Variants in PRKG1 observed in about 807,000 individuals in gnomAD.
The protein encoded by PRKG1 is protein kinase cGMP-dependent 1, also known as cGMP-dependent protein kinase 1.
In PRKG1, 35 loss-of-function variants were observed where a neutral mutation model predicts 88.1. The observed-to-expected ratio is 0.40, with a 90% CI of 0.30 to 0.53. PRKG1 has a LOEUF of 0.53. Among genes scored for constraint, PRKG1 ranks in the 20% least tolerant of loss-of-function variants. The pLI is 0.59. For synonymous variants in PRKG1, 303 were observed against 292.5 expected, an observed-to-expected ratio of 1.04 and a Z score of -0.37; for missense variants, 540 against 839.8, an observed-to-expected ratio of 0.64 and a Z score of 4.41.
chr10:51,636,532 T>A (rs1839660169), intron 3 of PRKG1, among the ~76,000 whole-genome samples: 1 of 152,216 alleles, frequency 6.6e-6, no homozygotes, highest in Admixed American at 6.5e-5. Flanking sequence ...TTGTGCATGA[T>A]ATAAAACAGT....
At chr10:52,088,044 C>T (rs559801131) in intron 7 of PRKG1, among the ~76,000 whole-genome samples, 4 of 152,148 alleles carry the variant, frequency 2.6e-5, no homozygotes, top group African/African-American at 9.7e-5. Context: ...TCCCACCCTA[C>T]CTAGGGAAAG....
intron 1 of PRKG1, among the ~76,000 whole-genome samples, chr10:51,100,808 A>G (rs1425704289): frequency 6.6e-6 from 1 of 152,300 alleles, no homozygotes; most frequent in Non-Finnish European, 1.5e-5. Context: ...TAACAATTCT[A>G]AAGACTTATG....
chr10:51,793,196 C>A (rs1838918564), intron 3 of PRKG1, among the ~76,000 whole-genome samples: 1 of 138,550 alleles, frequency 7.2e-6, no homozygotes, highest in African/African-American at 2.7e-5. Flanking sequence ...AACAATATGA[C>A]CAGAATGAGA....
At chr10:51,910,373 T>A (rs1247615395) in intron 5 of PRKG1, 1 of 152,188 alleles carries the variant, frequency 6.6e-6, no homozygotes. Flanking sequence ...ATCTGTCTCT[T>A]TTCTTCTAAG....
chr10:51,638,459 A>G (rs1839713415), intron 3 of PRKG1, among the ~76,000 whole-genome samples: 1 of 152,222 alleles, frequency 6.6e-6, no homozygotes, highest in Non-Finnish European at 1.5e-5. Flanking sequence ...TAAATATTCA[A>G]TATTTGATAT....
At chr10:51,719,554 A>G (rs982230133) in intron 3 of PRKG1, among the ~76,000 whole-genome samples, 3 of 152,220 alleles carry the variant, frequency 2.0e-5, no homozygotes, top group African/African-American at 7.2e-5. Context: ...ATTGGAGAAC[A>G]CTAAGGAGAT....
rs181092360 is a variant in PRKG1 at position 51,848,468 on chromosome 10, T to C, written c.698+43778T>C. Among the ~76,000 whole-genome samples the C allele has an allele frequency of 4.1e-3, 618 of 152,326 alleles. 3 individuals are homozygous for C. Among genetic ancestry groups the C allele is most frequent in the Non-Finnish European group, 5.9e-3 (403 of 68,022 alleles). Reference sequence around the variant, plus strand: ...ATGAACACTAACACTTGGACAGTTTTCTTATAAGCTTGTTCATATGTTGAC... The same window carrying C: ...ATGAACACTAACACTTGGACAGTTTCCTTATAAGCTTGTTCATATGTTGAC... On this transcript the variant is annotated intron_variant, in intron 4 of 17. Transcript: ENST00000373980.
At chr10:51,771,557 G>T (rs76036088) in intron 3 of PRKG1, among the ~76,000 whole-genome samples, 7,571 of 152,032 alleles carry the variant, frequency 0.05, 291 homozygotes, top group Middle Eastern at 0.075. Flanking sequence ...AGTGTCTTTT[G>T]CTATTATTCC....
intron 9 of PRKG1, among the ~76,000 whole-genome samples, chr10:52,219,212 C>CA (rs59751064): frequency 0.98 from 148,850 of 152,232 alleles, 72,866 homozygotes; most frequent in East Asian, 1. Flanking sequence ...TCATGTGCAA[C>CA]TATTTACAAG....
At chr10:51,254,573 G>T (rs1279580953) in intron 2 of PRKG1, among the ~76,000 whole-genome samples, 1 of 151,972 alleles carries the variant, frequency 6.6e-6, no homozygotes, top group South Asian at 2.1e-4. Flanking sequence ...AGCAAAGAAA[G>T]CTATGGAATG....
chr10:51,196,676 T>C (rs1819025890), intron 2 of PRKG1, among the ~76,000 whole-genome samples: 1 of 152,156 alleles, frequency 6.6e-6, no homozygotes, highest in Admixed American at 6.5e-5. Context: ...AAAAATGACC[T>C]GAAATTCAGC....
At chr10:52,092,921 G>C (rs1847088904) in intron 7 of PRKG1, among the ~76,000 whole-genome samples, 3 of 152,152 alleles carry the variant, frequency 2.0e-5, no homozygotes, top group African/African-American at 7.2e-5. Context: ...GTTAATTGTA[G>C]GGTGAAACGG....
At chr10:51,793,702 C>A (rs1159300878) in intron 3 of PRKG1, among the ~76,000 whole-genome samples, 3 of 152,142 alleles carry the variant, frequency 2.0e-5, no homozygotes, top group African/African-American at 7.2e-5. Flanking sequence ...CAGCAGAAAT[C>A]TGTCAGGAGA....
intron 2 of PRKG1, among the ~76,000 whole-genome samples, chr10:51,343,324 C>A (rs1375550376): frequency 6.6e-6 from 1 of 152,112 alleles, no homozygotes; most frequent in East Asian, 1.9e-4. Flanking sequence ...AGATTGGCTA[C>A]AGTTGGAACA....
intron 1 of PRKG1, among the ~76,000 whole-genome samples, chr10:51,109,397 T>C (rs1162263283): frequency 1.3e-5 from 2 of 151,948 alleles, no homozygotes; most frequent in Non-Finnish European, 2.9e-5. Flanking sequence ...TGGAACAAAA[T>C]AGAGAGTCCA....
intron 4 of PRKG1, among the ~76,000 whole-genome samples, chr10:51,848,853 T>G (rs111964425): frequency 8.5e-5 from 9 of 106,104 alleles, no homozygotes; most frequent in African/African-American, 4.0e-4. Flanking sequence ...GCGTTTCTAT[T>G]TTTTTTTTTT....
At chr10:52,265,361 A>G (rs984555400) in intron 10 of PRKG1, among the ~76,000 whole-genome samples, 1 of 152,116 alleles carries the variant, frequency 6.6e-6, no homozygotes, top group Non-Finnish European at 1.5e-5. Context: ...GTCATGTGAC[A>G]TTGACAGTTT....
At chr10:52,003,477 G>A (rs1564747132) in intron 5 of PRKG1, among the ~76,000 whole-genome samples, 1 of 152,166 alleles carries the variant, frequency 6.6e-6, no homozygotes, top group Non-Finnish European at 1.5e-5. Flanking sequence ...TGTAAGAACA[G>A]CAACAGTAAA....
intron 3 of PRKG1, chr10:51,698,340 C>G: frequency 4.3e-6 from 7 of 1,614,178 alleles, no homozygotes; most frequent in Non-Finnish European, 5.9e-6. Context: ...ATAGGTAGAC[C>G]CCTTTGATCT....
Sources: allele counts gnomAD v4.1 joint callset (sites outside exome capture counted in the v4.1 genomes callset), GRCh38; gene constraint gnomAD v4.1.1; transcripts MANE v1.5; gene names NCBI Gene and HGNC (gene_info 2026-07-23, HGNC 2026-07-21).